Variants in FRMD1 observed in about 807,000 individuals in gnomAD.
FRMD1 encodes the protein FERM domain containing 1, also known as FERM domain-containing protein 1.
Under a neutral mutation model 54.9 loss-of-function variants are expected in FRMD1, and 51 were observed. That is an observed-to-expected ratio of 0.93 (90% CI 0.74 to 1.17). The LOEUF is 1.17. Ranked by LOEUF, FRMD1 falls within the 50% of genes most tolerant of loss-of-function variation. The pLI is 0.00. For missense variants in FRMD1, 729 were observed against 743.0 expected, an observed-to-expected ratio of 0.98 and a Z score of 0.22; for synonymous variants, 324 against 306.4, an observed-to-expected ratio of 1.06 and a Z score of -0.60.
intron 2 of FRMD1, among the ~76,000 whole-genome samples, chr6:168,074,564 T>C (rs375250331): frequency 9.8e-4 from 147 of 149,970 alleles, no homozygotes; most frequent in African/African-American, 3.3e-3. Context: ...TGCATGTGTG[T>C]GGTTTGTGCA....
At chr6:168,062,511 G>C (rs550468018) in intron 7 of FRMD1, among the ~76,000 whole-genome samples, 5 of 152,372 alleles carry the variant, frequency 3.3e-5, no homozygotes, top group African/African-American at 1.2e-4. Context: ...GCCAGGGCCA[G>C]GCACAAAGCC....
chr6:168,078,899 G>T lies in FRMD1; in HGVS notation c.196C>A (p.Leu66Met). ...VLVLLPSREQ[L>M]RLAVGVKATG... is the part of the protein sequence containing the mutation. ...CTGCTCACCCCCACGGCCAGCCGCAGTTGCTCCCGGCTGGGCAGCAGCACG... is the reference window on the plus strand; with the variant it reads ...CTGCTCACCCCCACGGCCAGCCGCATTTGCTCCCGGCTGGGCAGCAGCACG... Residue 66 changes from leucine (L) to methionine (M), a missense_variant, in exon 1 of 11, where the codon CTG (leucine) becomes ATG (methionine). By Grantham distance (15) the Leu-to-Met change is conservative. Coordinates refer to ENST00000283309, the MANE Select transcript of FRMD1 (RefSeq NM_024919.6). The T allele has an allele frequency of 1.3e-6, 2 of 1,594,710 alleles. No homozygotes were observed. The highest frequency in any genetic ancestry group is 1.7e-6 in the Non-Finnish European group (2 of 1,173,452).
intron 2 of FRMD1, among the ~76,000 whole-genome samples, chr6:168,069,278 C>T (rs1297521981): frequency 1.3e-5 from 2 of 152,244 alleles, no homozygotes; most frequent in South Asian, 4.1e-4. Flanking sequence ...CACCCACTCG[C>T]TCTTGTTAAT....
rs1453209825 is a variant in FRMD1 at position 168,056,302 on chromosome 6, C to T, written c.*795G>A. On this transcript the variant is annotated 3_prime_UTR_variant, in exon 11 of 11. Coordinates refer to ENST00000283309, the MANE Select transcript of FRMD1 (RefSeq NM_024919.6). ...TCTCCGTCTGTCACCAAAGCTTCGCCCCTCCGCCAGCTGGGCTGCACCAGC... is the reference window on the plus strand; with the variant it reads ...TCTCCGTCTGTCACCAAAGCTTCGCTCCTCCGCCAGCTGGGCTGCACCAGC... 1 of 152,484 alleles carries T rather than the reference C, an allele frequency of 6.6e-6. No individual in the cohort carries two copies. The highest frequency in any genetic ancestry group is 1.5e-5 in the Non-Finnish European group (1 of 68,238). The allele number at this position is 152,484 out of a possible 1,614,324, so 9.4% of individuals were successfully genotyped here.
intron 2 of FRMD1, 151 bp from the exon 3 acceptor site, chr6:168,067,597 C>T: frequency 1.7e-6 from 1 of 588,592 alleles, no homozygotes. Context: ...CTTTCCTTGG[C>T]TGACAACGCA....
chr6:168,074,399 G>T (rs1420150288), intron 2 of FRMD1, among the ~76,000 whole-genome samples: 7 of 152,222 alleles, frequency 4.6e-5, no homozygotes, highest in Non-Finnish European at 1.0e-4. Context: ...TGTGTGAGTG[G>T]TGCGTAACTG....
chr6:168,059,192 T>A lies in FRMD1; in HGVS notation c.1343-4A>T, dbSNP rs759276821. ...GTGCAGGGCTCCTGACGAGTGGCTG[T>A]GGGAGGAGGCAGCCGTGAGCACAGG... On this transcript the variant is annotated splice_region_variant and splice_polypyrimidine_tract_variant and intron_variant, in intron 9 of 10. Coordinates refer to ENST00000283309, the MANE Select transcript of FRMD1 (RefSeq NM_024919.6). This position sits in a 1 kb window ranked among gnomAD's most constrained non-coding sequence, Gnocchi z 4.4. 2 of 1,581,852 alleles carry A rather than the reference T, an allele frequency of 1.3e-6. No homozygotes were observed. The highest frequency in any genetic ancestry group is 1.7e-6 in the Non-Finnish European group (2 of 1,167,558).
At chr6:168,082,564 T>C (rs1430792210), upstream of FRMD1, among the ~76,000 whole-genome samples, 27 of 152,202 alleles carry the variant, frequency 1.8e-4, no homozygotes, top group Admixed American at 1.8e-3. Context: ...GAAAAGAATG[T>C]TGGCCAGATG....
upstream of FRMD1, chr6:168,081,839 A>T (rs1030711933): frequency 9.1e-6 from 3 of 330,256 alleles, no homozygotes; most frequent in Non-Finnish European, 1.6e-5. Context: ...GATGGCAGTG[A>T]TGGCTGCACA....
chr6:168,067,655 A>G (rs1345252995), intron 2 of FRMD1: 2 of 517,984 alleles, frequency 3.9e-6, no homozygotes, highest in Admixed American at 3.8e-5. Flanking sequence ...GCTTACTAAA[A>G]CAATGTTCCA....
chr6:168,074,487 CAT>C (rs1208173549), intron 2 of FRMD1, among the ~76,000 whole-genome samples: 2 of 148,272 alleles, frequency 1.3e-5, no homozygotes, highest in East Asian at 2.1e-4. Context: ...TGCATGTGTA[CAT>C]GTGTGACTGG....
chr6:168,057,047 G>C lies in FRMD1; in HGVS notation c.*50C>G. The C allele has an allele frequency of 2.1e-6, 3 of 1,433,670 alleles. No individual in the cohort carries two copies. The highest frequency in any genetic ancestry group is 1.8e-6 in the Non-Finnish European group (2 of 1,091,632). 88.8% of individuals were successfully genotyped at this position (1,433,670 alleles called of 1,614,324 possible). On this transcript the variant is annotated 3_prime_UTR_variant, in exon 11 of 11. Coordinates refer to ENST00000283309, the MANE Select transcript of FRMD1 (RefSeq NM_024919.6). ...ACGAGGGCCATGTGGAAGTGGGGTG[G>C]GCAGGGGCTGAGCCTGGCGGTGCGG...
In FRMD1 at chr6:168,059,282, C is replaced by A; in HGVS notation, c.1343-94G>T. On this transcript the variant is annotated intron_variant, in intron 9 of 10. Transcript: ENST00000283309. This position sits in a 1 kb window ranked among gnomAD's most constrained non-coding sequence, Gnocchi z 4.4. ...TTCCCTGCACTTCTGGGGCCCTGGT[C>A]TCGGACCGGCATCTCCTGAGGCTCA... 1.9e-6 allele frequency: 2 copies of A among 1,051,940 alleles called. No individual in the cohort carries two copies. The highest frequency in any genetic ancestry group is 2.9e-5 in the South Asian group (2 of 69,530). 65.2% of individuals were successfully genotyped at this position (1,051,940 alleles called of 1,614,324 possible).
intron 10 of FRMD1, among the ~76,000 whole-genome samples, chr6:168,058,417 C>T (rs1799532416): frequency 6.6e-6 from 1 of 152,158 alleles, no homozygotes; most frequent in Non-Finnish European, 1.5e-5. Flanking sequence ...CTCCATCCAG[C>T]CTCCCGTGCC....
At position 168,074,805 on chromosome 6, in the gene FRMD1, GGTGT is replaced by G. The variant is rs796992010; in HGVS notation, c.304+436_304+439del. Reference sequence around the variant, plus strand: ...GACTGGTGTGTGTGTGCATGTGTGTGGTGTATGTATGTGTACGTGTGAGTGGTGT... The same window carrying G: ...GACTGGTGTGTGTGTGCATGTGTGTGATGTATGTGTACGTGTGAGTGGTGT... On this transcript the variant is annotated intron_variant, in intron 2 of 10. Transcript: ENST00000283309. 4.9e-4 allele frequency among the ~76,000 whole-genome samples: 73 copies of G among 149,554 alleles called. 2 individuals carry two copies. The highest frequency in any genetic ancestry group is 1.6e-3 in the African/African-American group (65 of 40,470).
At chr6:168,079,765 G>A (rs564558825), upstream of FRMD1, among the ~76,000 whole-genome samples, 15 of 152,328 alleles carry the variant, frequency 9.8e-5, no homozygotes, top group African/African-American at 3.4e-4. Flanking sequence ...TGCAGCAGCT[G>A]GAAGGCCAGG....
chr6:168,090,043 C>T (rs1800988996), intron 1 of FRMD1, among the ~76,000 whole-genome samples: 1 of 152,158 alleles, frequency 6.6e-6, no homozygotes, highest in Admixed American at 6.5e-5. Context: ...CTTGGCTCTC[C>T]ACCCCGCGTC....
chr6:168,064,740 G>A, intron 5 of FRMD1, 131 bp downstream of exon 5: 4 of 1,434,722 alleles, frequency 2.8e-6, no homozygotes, highest in Non-Finnish European at 3.7e-6. Context: ...TGATTGCCCT[G>A]TTTCCATCCC....
chr6:168,078,648 G>A (rs1237012720), intron 1 of FRMD1, among the ~76,000 whole-genome samples: 9 of 61,520 alleles, frequency 1.5e-4, no homozygotes, highest in South Asian at 6.3e-4. Flanking sequence ...TCACCCCCAC[G>A]GCCACCCAGG....
Sources: allele counts gnomAD v4.1 joint callset (sites outside exome capture counted in the v4.1 genomes callset), GRCh38; gene constraint gnomAD v4.1.1; non-coding constraint Gnocchi (gnomAD v3.1); transcripts MANE v1.5; gene names NCBI Gene and HGNC (gene_info 2026-07-23, HGNC 2026-07-21).